Variants in SLC9A1 observed in about 807,000 individuals in gnomAD.
The protein encoded by SLC9A1 is solute carrier family 9 member A1.
In SLC9A1, 22 loss-of-function variants were observed where a neutral mutation model predicts 67.9. That is an observed-to-expected ratio of 0.32 (90% CI 0.23 to 0.46). The LOEUF is 0.46. Among genes scored for constraint, SLC9A1 ranks in the 20% least tolerant of loss-of-function variants. The pLI is 1.00. For missense variants in SLC9A1, 686 were observed against 1,094.8 expected (o/e 0.63, Z 5.27); for synonymous variants, 421 against 471.8 (o/e 0.89, Z 1.40).
chr1:27,105,682 G>A, intron 5 of SLC9A1: 1 of 715,296 alleles, frequency 1.4e-6, no homozygotes. Flanking sequence ...CAGTCACTCT[G>A]CAATGACTCA....
chr1:27,102,295 GA>G, intron 8 of SLC9A1, 89 bp downstream of exon 8: 10 of 1,462,806 alleles, frequency 6.8e-6, no homozygotes, highest in Non-Finnish European at 8.4e-6. Flanking sequence ...CAGGACAACA[GA>G]AGACCCCGCC....
At chr1:27,111,238 G>C (rs548960946) in intron 2 of SLC9A1, among the ~76,000 whole-genome samples, 2 of 152,132 alleles carry the variant, frequency 1.3e-5, no homozygotes, top group Non-Finnish European at 2.9e-5. Flanking sequence ...GGATTCATGG[G>C]TCCTCATGGT....
Position 27,113,881 on chromosome 1 carries a change from T to C in SLC9A1, c.758A>G (p.Glu253Gly), listed in dbSNP as rs1372874741. 6.2e-7 allele frequency: 1 copy of C among 1,614,052 alleles called. No homozygotes were observed. Among genetic ancestry groups the C allele is most frequent in the Non-Finnish European group, 8.5e-7 (1 of 1,180,036 alleles). Residue 253 changes from glutamate (E) to glycine (G), a missense_variant, in exon 2 of 12, where the codon GAG (glutamate) becomes GGG (glycine). Coordinates refer to ENST00000263980, the MANE Select transcript of SLC9A1 (RefSeq NM_003047.5). ...CCCAAAAACAAGGATGTGCAGCAGC[T>C]CATTGATGTGAATTTCCTCAAAGAC... ...LAVFEEIHIN[E>G]LLHILVFGES...
At chr1:27,124,851 T>A (rs1261642383) in intron 1 of SLC9A1, among the ~76,000 whole-genome samples, 1 of 151,692 alleles carries the variant, frequency 6.6e-6, no homozygotes, top group Non-Finnish European at 1.5e-5. Flanking sequence ...GAGCCTGGAG[T>A]AGGGCAGAAA....
At chr1:27,131,948 ATATATAT>A (rs373382565) in intron 1 of SLC9A1, among the ~76,000 whole-genome samples, 4 of 91,436 alleles carry the variant, frequency 4.4e-5, no homozygotes, top group South Asian at 3.5e-4. Context: ...GAAAAAAAAA[ATATATAT>A]ATATATATAT....
intron 2 of SLC9A1, among the ~76,000 whole-genome samples, chr1:27,110,255 T>C (rs1338383083): frequency 6.6e-6 from 1 of 152,214 alleles, no homozygotes. Context: ...TGCCTGACCT[T>C]GGGCACGTCA....
At chr1:27,129,326 C>T (rs2083369430) in intron 1 of SLC9A1, among the ~76,000 whole-genome samples, 1 of 152,202 alleles carries the variant, frequency 6.6e-6, no homozygotes, top group Non-Finnish European at 1.5e-5. Flanking sequence ...AGGGCCTCTC[C>T]CTGCCTCCTC....
chr1:27,137,885 G>A lies in SLC9A1; in HGVS notation c.352+16098C>T, dbSNP rs370105049. 4.1e-4 allele frequency among the ~76,000 whole-genome samples: 63 copies of A among 152,122 alleles called. No homozygotes were observed. The highest frequency in any genetic ancestry group is 1.4e-3 in the African/African-American group (59 of 41,410). Reference sequence around the variant, plus strand: ...CACGCCCACTCTGCTCCAGCGTCCTGCTCGCCCCTCCCTGCTAGCAGCTCT... The same window carrying A: ...CACGCCCACTCTGCTCCAGCGTCCTACTCGCCCCTCCCTGCTAGCAGCTCT... On this transcript the variant is annotated intron_variant, in intron 1 of 11. Coordinates refer to ENST00000263980, the MANE Select transcript of SLC9A1 (RefSeq NM_003047.5). This position sits in a 1 kb window ranked among gnomAD's most constrained non-coding sequence, Gnocchi z 4.6.
At chr1:27,152,649 C>A (rs1353106462) in intron 1 of SLC9A1, among the ~76,000 whole-genome samples, 1 of 152,190 alleles carries the variant, frequency 6.6e-6, no homozygotes, top group African/African-American at 2.4e-5. Flanking sequence ...AAGCTAACTG[C>A]CATCAAGGTA....
chr1:27,102,787 C>T (rs941613979), intron 6 of SLC9A1, 44 bp from the exon 7 acceptor site: 2 of 1,564,480 alleles, frequency 1.3e-6, no homozygotes, highest in African/African-American at 2.7e-5. Context: ...TGTGGGGCGC[C>T]TTCCCTACCA....
rs2083429301 is a variant in SLC9A1 at position 27,137,851 on chromosome 1, C to A, written c.352+16132G>T. 6.6e-6 allele frequency among the ~76,000 whole-genome samples: 1 copy of A among 152,186 alleles called. No homozygotes were observed. The highest frequency in any genetic ancestry group is 1.5e-5 in the Non-Finnish European group (1 of 68,026). On this transcript the variant is annotated intron_variant, in intron 1 of 11. Transcript: ENST00000263980. This position sits in a 1 kb window ranked among gnomAD's most constrained non-coding sequence, Gnocchi z 4.6. Reference sequence around the variant, plus strand: ...CTCAGCCCCTCCCTCCCCAATGTGCCCCTGACTCCACGCCCACTCTGCTCC... The same window carrying A: ...CTCAGCCCCTCCCTCCCCAATGTGCACCTGACTCCACGCCCACTCTGCTCC...
intron 4 of SLC9A1, among the ~76,000 whole-genome samples, chr1:27,107,206 ACACC>A (rs2083192726): frequency 7.7e-6 from 1 of 130,158 alleles, no homozygotes; most frequent in African/African-American, 3.0e-5. Flanking sequence ...ACACACACAC[ACACC>A]CAGCCCCTCT....
At position 27,103,208 on chromosome 1, in the gene SLC9A1, C is replaced by G; in HGVS notation, c.1575+15G>C. 2 of 1,594,532 alleles carry G rather than the reference C, an allele frequency of 1.3e-6. No homozygotes were observed. The highest frequency in any genetic ancestry group is 1.7e-6 in the Non-Finnish European group (2 of 1,162,228). ...CCTCCTTCTGCAACCAAGGGCCCAG[C>G]CCGCACTCCAGTACCTGTGTGTGGA... On this transcript the variant is annotated intron_variant, in intron 6 of 11. Coordinates refer to ENST00000263980, the MANE Select transcript of SLC9A1 (RefSeq NM_003047.5).
chr1:27,141,029 A>G (rs2083450347), intron 1 of SLC9A1, among the ~76,000 whole-genome samples: 1 of 152,000 alleles, frequency 6.6e-6, no homozygotes, highest in Non-Finnish European at 1.5e-5. Flanking sequence ...CCAACATGAC[A>G]AAACCCCATC....
chr1:27,146,212 T>G (rs1462068737), intron 1 of SLC9A1, among the ~76,000 whole-genome samples: 1 of 152,036 alleles, frequency 6.6e-6, no homozygotes, highest in East Asian at 1.9e-4. Context: ...AGGGGGCAGG[T>G]GGGAGAGGCG....
At chr1:27,108,480 C>T (rs374488355) in intron 3 of SLC9A1, among the ~76,000 whole-genome samples, 2 of 152,154 alleles carry the variant, frequency 1.3e-5, no homozygotes, top group African/African-American at 4.8e-5. Flanking sequence ...GTATTCGAGA[C>T]CAGCTTGGCC....
chr1:27,151,980 G>C (rs1285152943), intron 1 of SLC9A1, among the ~76,000 whole-genome samples: 2 of 152,172 alleles, frequency 1.3e-5, no homozygotes, highest in African/African-American at 4.8e-5. Flanking sequence ...AGAGTTTCCA[G>C]AGTCAGTGGA....
chr1:27,126,129 C>G (rs1443329367), intron 1 of SLC9A1, among the ~76,000 whole-genome samples: 1 of 152,152 alleles, frequency 6.6e-6, no homozygotes, highest in Non-Finnish European at 1.5e-5. Context: ...TCCTTCAGGT[C>G]CCTGCTCAGA....
intron 1 of SLC9A1, among the ~76,000 whole-genome samples, chr1:27,147,868 C>A (rs2083499978): frequency 6.6e-6 from 1 of 152,006 alleles, no homozygotes; most frequent in African/African-American, 2.4e-5. Context: ...GTGGCACATG[C>A]CTGTAATCCC....
Sources: gnomAD v4.1 joint callset for allele counts (sites outside exome capture counted in the v4.1 genomes callset) on GRCh38, gnomAD v4.1.1 for gene constraint, Gnocchi (gnomAD v3.1) non-coding constraint, MANE v1.5 for transcripts, NCBI Gene and HGNC (gene_info 2026-07-23, HGNC 2026-07-21) for gene names.